The following PRKG1 variants were observed in gnomAD, a reference collection of about 807,000 sequenced individuals.
PRKG1 encodes cGMP-dependent protein kinase 1.
Under a neutral mutation model 88.1 loss-of-function variants are expected in PRKG1, and 35 were observed. The observed-to-expected ratio is 0.40, with a 90% CI of 0.30 to 0.53. The LOEUF is 0.53. Ranked by LOEUF, PRKG1 falls within the 20% of genes least tolerant of loss-of-function variation. The pLI, the probability that PRKG1 is intolerant of heterozygous loss-of-function variation, is 0.59. For missense variants in PRKG1, 540 were observed against 839.8 expected (o/e 0.64, Z 4.41); for synonymous variants, 303 against 292.5 (o/e 1.04, Z -0.37).
chr10:52,251,860 G>C (rs1448655158), intron 10 of PRKG1, 194 bp downstream of exon 10: 1 of 488,278 alleles, frequency 2.0e-6, no homozygotes, highest in Non-Finnish European at 3.6e-6. Flanking sequence ...TGCAGTCAAC[G>C]ACTAAAAATA....
At chr10:52,034,216 T>C (rs1285913169) in intron 5 of PRKG1, among the ~76,000 whole-genome samples, 2 of 151,980 alleles carry the variant, frequency 1.3e-5, no homozygotes, top group East Asian at 1.9e-4. Flanking sequence ...CATTCCTGCC[T>C]TCTTACATTA....
At chr10:51,999,564 A>G (rs1443049027) in intron 5 of PRKG1, among the ~76,000 whole-genome samples, 1 of 152,168 alleles carries the variant, frequency 6.6e-6, no homozygotes, top group Non-Finnish European at 1.5e-5. Flanking sequence ...GAATTAATGA[A>G]TAGGTATTCT....
intron 8 of PRKG1, among the ~76,000 whole-genome samples, chr10:52,135,438 G>A (rs1837384186): frequency 6.6e-6 from 1 of 152,026 alleles, no homozygotes; most frequent in African/African-American, 2.4e-5. Flanking sequence ...CTATAACAAT[G>A]GATTTAATAG....
chr10:51,165,447 C>T (rs1443672323), intron 2 of PRKG1, among the ~76,000 whole-genome samples: 1 of 152,068 alleles, frequency 6.6e-6, no homozygotes, highest in Non-Finnish European at 1.5e-5. Context: ...CAAAATCATG[C>T]CAAATTGTAA....
chr10:52,077,203 G>A (rs1354514089), intron 7 of PRKG1, among the ~76,000 whole-genome samples: 1 of 152,096 alleles, frequency 6.6e-6, no homozygotes, highest in Admixed American at 6.6e-5. Context: ...CTAGAGCCAT[G>A]CAATGAAGTA....
chr10:52,099,085 G>T (rs1311457682), intron 7 of PRKG1, among the ~76,000 whole-genome samples: 1 of 152,150 alleles, frequency 6.6e-6, no homozygotes, highest in East Asian at 1.9e-4. Context: ...AAAAGAGCAG[G>T]ATCATAAAAT....
At chr10:51,113,737 A>AC (rs1397401587) in intron 1 of PRKG1, among the ~76,000 whole-genome samples, 2 of 123,244 alleles carry the variant, frequency 1.6e-5, no homozygotes, top group Non-Finnish European at 3.7e-5. Flanking sequence ...TTAAAAAAAA[A>AC]AAAAAAAAAA....
chr10:52,263,721 T>A (rs1413331599), intron 10 of PRKG1, among the ~76,000 whole-genome samples: 1 of 151,674 alleles, frequency 6.6e-6, no homozygotes, highest in Non-Finnish European at 1.5e-5. Context: ...ACTAGAGGCA[T>A]CCACCACCAT....
chr10:52,117,375 T>C (rs1421037963), intron 7 of PRKG1, among the ~76,000 whole-genome samples: 1 of 152,136 alleles, frequency 6.6e-6, no homozygotes, highest in Non-Finnish European at 1.5e-5. Flanking sequence ...TGGAGGATAC[T>C]GTGTTAAACA....
At chr10:51,896,645 TAA>T (rs10649150) in intron 4 of PRKG1, among the ~76,000 whole-genome samples, 23,339 of 94,822 alleles carry the variant, frequency 0.25, 2,115 homozygotes, top group East Asian at 0.44. Flanking sequence ...CCCTGTCTCT[TAA>T]AAAAAAAAAA....
At chr10:52,229,884 C>A (rs1258153189) in intron 9 of PRKG1, among the ~76,000 whole-genome samples, 1 of 152,138 alleles carries the variant, frequency 6.6e-6, no homozygotes, top group Non-Finnish European at 1.5e-5. Flanking sequence ...TTCACCTACC[C>A]TTCTTTTAAT....
At chr10:51,348,950 G>C (rs146883735) in intron 2 of PRKG1, among the ~76,000 whole-genome samples, 291 of 152,210 alleles carry the variant, frequency 1.9e-3, no homozygotes, top group Non-Finnish European at 3.6e-3. Flanking sequence ...GTGAAATCCG[G>C]AGCTAGGAAG....
intron 1 of PRKG1, among the ~76,000 whole-genome samples, chr10:51,044,270 C>A (rs911443252): frequency 6.6e-6 from 1 of 152,142 alleles, no homozygotes; most frequent in Admixed American, 6.5e-5. Flanking sequence ...TGAGCCTAAA[C>A]TGGGTCTTGT....
At chr10:51,308,461 C>G (rs1841095710) in intron 2 of PRKG1, among the ~76,000 whole-genome samples, 1 of 152,134 alleles carries the variant, frequency 6.6e-6, no homozygotes, top group South Asian at 2.1e-4. Flanking sequence ...GCACATGGGC[C>G]TATTGCTCAG....
At chr10:52,210,229 G>A (rs991254070) in intron 9 of PRKG1, among the ~76,000 whole-genome samples, 1 of 151,718 alleles carries the variant, frequency 6.6e-6, no homozygotes, top group East Asian at 1.9e-4. Flanking sequence ...AAATCAAAAC[G>A]TGTCATCTCT....
intron 2 of PRKG1, among the ~76,000 whole-genome samples, chr10:51,161,987 C>T (rs766293810): frequency 1.3e-5 from 2 of 152,212 alleles, no homozygotes; most frequent in East Asian, 3.8e-4. Flanking sequence ...CTGAACACTT[C>T]ACACAATCTA....
At chr10:51,383,444 G>T (rs568340673) in intron 2 of PRKG1, among the ~76,000 whole-genome samples, 8 of 152,090 alleles carry the variant, frequency 5.3e-5, no homozygotes, top group Non-Finnish European at 8.8e-5. Context: ...ATAGAAATTC[G>T]CATATTTAAT....
intron 3 of PRKG1, among the ~76,000 whole-genome samples, chr10:51,768,388 G>C (rs1380977269): frequency 6.6e-6 from 1 of 151,952 alleles, no homozygotes; most frequent in Non-Finnish European, 1.5e-5. Flanking sequence ...AGTTCTCTTT[G>C]GCTATTTTTT....
intron 3 of PRKG1, among the ~76,000 whole-genome samples, chr10:51,533,873 G>A (rs1162950957): frequency 6.6e-6 from 1 of 152,128 alleles, no homozygotes; most frequent in African/African-American, 2.4e-5. Flanking sequence ...AGAATCGGAA[G>A]GTTACAAGAA....
Sources: allele counts gnomAD v4.1 joint callset (sites outside exome capture counted in the v4.1 genomes callset), GRCh38; gene constraint gnomAD v4.1.1; transcripts MANE v1.5; gene names NCBI Gene and HGNC (gene_info 2026-07-23, HGNC 2026-07-21).